Variants in PLCB1 observed in about 807,000 individuals in gnomAD.
PLCB1 encodes phospholipase C beta 1.
PLCB1 carries 46 observed loss-of-function variants against 161.8 expected under a neutral mutation model. The observed-to-expected ratio is 0.28, with a 90% CI of 0.22 to 0.36. The LOEUF (loss-of-function observed/expected upper bound fraction) is 0.36, where lower values mean the gene tolerates loss of function less well. PLCB1 is among the 10% of genes least tolerant of loss of function. The pLI, the probability that PLCB1 is intolerant of heterozygous loss-of-function variation, is 1.00. For synonymous variants in PLCB1, 517 were observed against 503.7 expected, an observed-to-expected ratio of 1.03 and a Z score of -0.35; for missense variants, 1,016 against 1,472.5, an observed-to-expected ratio of 0.69 and a Z score of 5.07.
intron 2 of PLCB1, among the ~76,000 whole-genome samples, chr20:8,186,919 C>T (rs935138179): frequency 1.3e-5 from 2 of 152,072 alleles, no homozygotes; most frequent in South Asian, 4.1e-4. Flanking sequence ...ACAGGCATGC[C>T]TTAATCTCTC....
chr20:8,182,583 C>CT (rs113760426), intron 2 of PLCB1, among the ~76,000 whole-genome samples: 162 of 139,192 alleles, frequency 1.2e-3, no homozygotes, highest in East Asian at 2.9e-3. Context: ...TCTTTTTTTT[C>CT]TTTTTTTTTT....
At chr20:8,631,523 A>G (rs1273177479) in intron 4 of PLCB1, among the ~76,000 whole-genome samples, 1 of 152,188 alleles carries the variant, frequency 6.6e-6, no homozygotes, top group African/African-American at 2.4e-5. Flanking sequence ...CACTGAATAC[A>G]ATGGGGGAAG....
At chr20:8,700,117 G>A (rs1990665384) in intron 11 of PLCB1, among the ~76,000 whole-genome samples, 1 of 152,142 alleles carries the variant, frequency 6.6e-6, no homozygotes, top group Admixed American at 6.5e-5. Context: ...GTGCAGCTTG[G>A]GCTCATCTGT....
chr20:8,407,467 G>A (rs1978834697), intron 3 of PLCB1, among the ~76,000 whole-genome samples: 4 of 152,168 alleles, frequency 2.6e-5, no homozygotes, highest in African/African-American at 7.2e-5. Flanking sequence ...GGAGGCCTCA[G>A]AATTATGCAG....
chr20:8,646,511 G>C (rs573966207), intron 5 of PLCB1, among the ~76,000 whole-genome samples: 13 of 152,274 alleles, frequency 8.5e-5, no homozygotes, highest in African/African-American at 3.1e-4. Flanking sequence ...ATAATCCTCT[G>C]CTTCTACATC....
At chr20:8,608,983 C>T (rs1256687571) in intron 3 of PLCB1, among the ~76,000 whole-genome samples, 1 of 152,058 alleles carries the variant, frequency 6.6e-6, no homozygotes, top group East Asian at 1.9e-4. Flanking sequence ...TTTCAATATA[C>T]CCTAGCAAAC....
chr20:8,466,639 A>G (rs1981838322), intron 3 of PLCB1, among the ~76,000 whole-genome samples: 1 of 152,114 alleles, frequency 6.6e-6, no homozygotes, highest in South Asian at 2.1e-4. Context: ...CCCATCTTTT[A>G]CTTGTGCAGT....
At chr20:8,240,279 G>C (rs1980534483) in intron 2 of PLCB1, among the ~76,000 whole-genome samples, 1 of 149,562 alleles carries the variant, frequency 6.7e-6, no homozygotes, top group Non-Finnish European at 1.5e-5. Flanking sequence ...TCATGATATT[G>C]ACACACACAC....
At chr20:8,457,843 G>C (rs888105884) in intron 3 of PLCB1, among the ~76,000 whole-genome samples, 13 of 151,980 alleles carry the variant, frequency 8.6e-5, no homozygotes, top group African/African-American at 3.1e-4. Flanking sequence ...ACCCTCTGTG[G>C]AATTTCCCTC....
At chr20:8,540,801 A>G (rs1421197390) in intron 3 of PLCB1, among the ~76,000 whole-genome samples, 8 of 152,154 alleles carry the variant, frequency 5.3e-5, no homozygotes, top group Non-Finnish European at 8.8e-5. Context: ...TGTTAGACCT[A>G]CAATTGATCT....
rs746208263 is a variant in PLCB1 at position 8,788,675 on chromosome 20, G to C, written c.3231G>C (p.Gln1077His). The part of the protein sequence containing the change: ...ELKKKMDKKR[Q>H]EKITEAKSKD... Reference sequence around the variant, plus strand: ...AGAAGAAAATGGATAAAAAGAGGCAGGAGAAGATAACAGAAGCTAAATCCA... The same window carrying C: ...AGAAGAAAATGGATAAAAAGAGGCACGAGAAGATAACAGAAGCTAAATCCA... Residue 1077 changes from glutamine to histidine, a missense_variant, in exon 29 of 32, where the codon CAG becomes CAC. Physicochemically the swap from Gln to His is conservative, Grantham distance 24. This residue lies in a region of PLCB1 where 398 missense variants were observed against 445.4 expected (regional missense o/e 0.89). Coordinates refer to ENST00000338037, the MANE Select transcript of PLCB1 (RefSeq NM_015192.4). 1 of 1,611,716 alleles carries C rather than the reference G, an allele frequency of 6.2e-7. No individual in the cohort carries two copies. Among genetic ancestry groups the C allele is most frequent in the South Asian group, 1.1e-5 (1 of 90,438 alleles).
chr20:8,832,536 G>C (rs1363133812), intron 31 of PLCB1, among the ~76,000 whole-genome samples: 2 of 152,184 alleles, frequency 1.3e-5, no homozygotes, highest in Admixed American at 1.3e-4. Flanking sequence ...AATTGCTTAA[G>C]AGATGACCTT....
chr20:8,159,805 T>G (rs1166794263), intron 2 of PLCB1, among the ~76,000 whole-genome samples: 1 of 151,750 alleles, frequency 6.6e-6, no homozygotes, highest in African/African-American at 2.4e-5. Flanking sequence ...CTGACCAACA[T>G]GGAGAAACCC....
chr20:8,850,134 G>A (rs1986839167), intron 31 of PLCB1, among the ~76,000 whole-genome samples: 1 of 152,210 alleles, frequency 6.6e-6, no homozygotes, highest in Admixed American at 6.5e-5. Context: ...AGAGCTGTGT[G>A]ACTCCCAGCA....
chr20:8,272,525 G>A (rs978756515), intron 2 of PLCB1, among the ~76,000 whole-genome samples: 6 of 152,070 alleles, frequency 3.9e-5, no homozygotes, highest in Admixed American at 3.9e-4. Context: ...CTTGTAAGAT[G>A]TTTCTCAGTG....
intron 3 of PLCB1, among the ~76,000 whole-genome samples, chr20:8,401,341 G>A (rs1036806120): frequency 1.2e-4 from 18 of 152,114 alleles, no homozygotes; most frequent in African/African-American, 4.3e-4. Context: ...ATGTTTTGTA[G>A]TCAAATTTAT....
chr20:8,647,819 T>A (rs753023380), intron 5 of PLCB1, 81 bp from the exon 6 acceptor site: 1 of 1,093,138 alleles, frequency 9.1e-7, no homozygotes, highest in African/African-American at 1.6e-5. Context: ...AGGCATGGGC[T>A]TTTTTGAGTG....
At chr20:8,153,320 A>C (rs1047257396) in intron 2 of PLCB1, among the ~76,000 whole-genome samples, 2 of 152,166 alleles carry the variant, frequency 1.3e-5, no homozygotes, top group African/African-American at 2.4e-5. Flanking sequence ...GAATAAAATG[A>C]GCAAAAATGA....
At chr20:8,322,640 G>A (rs1984970636) in intron 2 of PLCB1, among the ~76,000 whole-genome samples, 1 of 152,060 alleles carries the variant, frequency 6.6e-6, no homozygotes, top group Non-Finnish European at 1.5e-5. Flanking sequence ...AAATTAGTTT[G>A]TTAAGAGCCT....
Sources: gnomAD v4.1 joint callset for allele counts (sites outside exome capture counted in the v4.1 genomes callset) on GRCh38, gnomAD v4.1.1 for gene constraint, gnomAD v4.1.1 regional missense constraint, MANE v1.5 for transcripts, NCBI Gene and HGNC (gene_info 2026-07-23, HGNC 2026-07-21) for gene names.